The following GAS7 variants were observed in gnomAD, a reference collection of about 807,000 sequenced individuals.
The protein encoded by GAS7 is growth arrest specific 7.
In GAS7, 28 loss-of-function variants were observed where a neutral mutation model predicts 71.1. The ratio of observed to expected loss-of-function variants is 0.39; its 90% CI spans 0.29 to 0.54. The LOEUF is 0.54. GAS7 is among the 20% of genes least tolerant of loss of function. The pLI is 0.62. For missense variants in GAS7, 436 were observed against 627.8 expected, an observed-to-expected ratio of 0.69 and a Z score of 3.27; for synonymous variants, 258 against 245.8, an observed-to-expected ratio of 1.05 and a Z score of -0.46.
At chr17:10,116,467 G>A (rs2073862494) in intron 1 of GAS7, among the ~76,000 whole-genome samples, 1 of 152,114 alleles carries the variant, frequency 6.6e-6, no homozygotes, top group African/African-American at 2.4e-5. Context: ...GAAGAAGAGT[G>A]CCCTGGGCTG....
At chr17:10,161,860 C>CGA (rs1349437356) in intron 1 of GAS7, among the ~76,000 whole-genome samples, 3 of 152,040 alleles carry the variant, frequency 2.0e-5, no homozygotes, top group African/African-American at 7.2e-5. Context: ...GTCAGGAGAT[C>CGA]GAGACCATCC....
chr17:10,131,756 T>A (rs558383765), intron 1 of GAS7, among the ~76,000 whole-genome samples: 138 of 152,342 alleles, frequency 9.1e-4, no homozygotes, highest in African/African-American at 3.1e-3. Flanking sequence ...CATGTGCTCA[T>A]GAATGTATAT....
At chr17:10,004,378 T>C (rs2071386117) in intron 2 of GAS7, among the ~76,000 whole-genome samples, 1 of 151,814 alleles carries the variant, frequency 6.6e-6, no homozygotes, top group Admixed American at 6.6e-5. Context: ...ATACTAGGAG[T>C]TTCACTGACT....
At chr17:10,109,419 AT>A (rs1225818069) in intron 1 of GAS7, among the ~76,000 whole-genome samples, 1 of 152,238 alleles carries the variant, frequency 6.6e-6, no homozygotes, top group Non-Finnish European at 1.5e-5. Flanking sequence ...AAGATAAAAA[AT>A]ATCATTAAAA....
intron 2 of GAS7, among the ~76,000 whole-genome samples, chr17:10,014,550 T>C (rs1212553017): frequency 6.6e-6 from 1 of 152,104 alleles, no homozygotes; most frequent in Non-Finnish European, 1.5e-5. Context: ...ACATCCGCTG[T>C]TTTTCTCTCC....
intron 1 of GAS7, among the ~76,000 whole-genome samples, chr17:10,183,954 C>G (rs546680018): frequency 6.6e-6 from 1 of 152,166 alleles, no homozygotes; most frequent in Non-Finnish European, 1.5e-5. Flanking sequence ...CTCTGCTGCC[C>G]CCACCTCCCA....
chr17:10,177,967 A>G (rs1476809402), intron 1 of GAS7, among the ~76,000 whole-genome samples: 1 of 152,268 alleles, frequency 6.6e-6, no homozygotes, highest in East Asian at 1.9e-4. Flanking sequence ...CACTGGCGCC[A>G]TTAGGCACCT....
intron 1 of GAS7, among the ~76,000 whole-genome samples, chr17:10,191,459 A>T (rs543831821): frequency 9.6e-4 from 144 of 149,984 alleles, no homozygotes; most frequent in Admixed American, 2.3e-3. Context: ...AGTCCAAGCT[A>T]CTTGGAGGAT....
chr17:9,943,127 C>A lies in GAS7; in HGVS notation c.725G>T (p.Arg242Leu). The A allele has an allele frequency of 6.2e-7, 1 of 1,603,228 alleles. No homozygotes were observed. ...QMQKEMSEFI[R>L]ERIKIEEDYA... The stretch of plus-strand genomic sequence containing the variant: ...GGAGGGGCCCAGGCTTCACCTTTCC[C>A]GGATGAATTCTGACATTTCCTTCTG... The change falls in exon 7 of 14, where the codon CGG (arginine) becomes CTG (leucine). Residue 242 changes from arginine (R) to leucine (L), a missense_variant. By Grantham distance (102) the Arg-to-Leu change is moderately radical. Transcript: ENST00000432992.
chr17:10,011,500 G>C (rs73272738), intron 2 of GAS7, among the ~76,000 whole-genome samples: 4,115 of 152,270 alleles, frequency 0.027, 154 homozygotes, highest in African/African-American at 0.092. Context: ...TATCCACTAA[G>C]TGACCGGCTG....
chr17:9,940,262 G>C, intron 7 of GAS7, 62 bp from the exon 8 acceptor site: 1 of 1,233,168 alleles, frequency 8.1e-7, no homozygotes, highest in South Asian at 1.2e-5. Flanking sequence ...GGTCTGCCCT[G>C]CTGCCCTGCA....
At chr17:10,010,363 A>G (rs1276446149) in intron 2 of GAS7, among the ~76,000 whole-genome samples, 1 of 152,058 alleles carries the variant, frequency 6.6e-6, no homozygotes, top group Non-Finnish European at 1.5e-5. Context: ...CGTGTTAGCC[A>G]GGATGGTCTT....
chr17:10,122,205 T>C (rs1281811949), intron 1 of GAS7, among the ~76,000 whole-genome samples: 4 of 152,164 alleles, frequency 2.6e-5, no homozygotes. Context: ...CAGGAGATGA[T>C]GCTTCTGAAA....
intron 1 of GAS7, among the ~76,000 whole-genome samples, chr17:10,132,365 C>G (rs2142088016): frequency 6.6e-6 from 1 of 152,310 alleles, no homozygotes; most frequent in Non-Finnish European, 1.5e-5. Context: ...TCAACCTCAC[C>G]CCACCACCCT....
chr17:10,159,757 C>T (rs909816458), intron 1 of GAS7, among the ~76,000 whole-genome samples: 4 of 150,478 alleles, frequency 2.7e-5, no homozygotes, highest in African/African-American at 7.4e-5. Flanking sequence ...TTTATGAAAA[C>T]GCATCAAACT....
chr17:10,134,239 G>T (rs923667633), intron 1 of GAS7, among the ~76,000 whole-genome samples: 1 of 151,904 alleles, frequency 6.6e-6, no homozygotes, highest in Non-Finnish European at 1.5e-5. Flanking sequence ...CACCATGTTG[G>T]CCAGGATGGT....
chr17:10,019,806 C>A lies in GAS7; in HGVS notation c.275G>T (p.Arg92Leu). The change falls in exon 2 of 14, where the codon CGG (arginine) becomes CTG (leucine). Residue 92 changes from arginine (R) to leucine (L), a missense_variant. Physicochemically the swap from Arg to Leu is moderately radical, Grantham distance 102 (BLOSUM62 -2). Transcript: ENST00000432992. Reference protein sequence around the residue: ...GWQSYLSPQGRRYYVNTTTNE... With the variant: ...GWQSYLSPQGLRYYVNTTTNE... ...GGTGGTCGTGTTGACATAGTACCGC[C>A]GGCCCTGAGGCGACAGGTAGCTCTG... is the stretch of plus-strand genomic sequence containing the variant. 1 of 1,614,036 alleles carries A rather than the reference C, an allele frequency of 6.2e-7. No homozygotes were observed. Among genetic ancestry groups the A allele is most frequent in the African/African-American group, 1.3e-5 (1 of 75,036 alleles).
chr17:10,181,136 C>T lies in GAS7; in HGVS notation c.183+17072G>A, dbSNP rs977640129. On this transcript the variant is annotated intron_variant, in intron 1 of 13. Transcript: ENST00000432992. ...CAGCACTTTGGGAGGCCAAGGCGGG[C>T]ACATCACGAGGTCAGGAGATCGAGA... 1.2e-4 allele frequency among the ~76,000 whole-genome samples: 17 copies of T among 146,254 alleles called. 2 individuals carry two copies. The East Asian group carries it at 1.2e-3, about 10-fold the overall frequency.
chr17:10,104,018 C>A (rs1019606614), intron 1 of GAS7, among the ~76,000 whole-genome samples: 2 of 152,114 alleles, frequency 1.3e-5, no homozygotes, highest in African/African-American at 2.4e-5. Flanking sequence ...TAATACCTAC[C>A]TTTAAATTTA....
Sources: gnomAD v4.1 joint callset for allele counts (sites outside exome capture counted in the v4.1 genomes callset) on GRCh38, gnomAD v4.1.1 for gene constraint, MANE v1.5 for transcripts, NCBI Gene and HGNC (gene_info 2026-07-23, HGNC 2026-07-21) for gene names.